Variants in MLLT3 observed in about 807,000 individuals in gnomAD.
MLLT3 encodes the protein protein AF-9.
Under a neutral mutation model 53.2 loss-of-function variants are expected in MLLT3, and 4 were observed. That is an observed-to-expected ratio of 0.08 (90% confidence interval 0.04 to 0.17). The LOEUF is 0.17. Among genes scored for constraint, MLLT3 ranks in the 10% least tolerant of loss-of-function variants. The pLI, the probability that MLLT3 is intolerant of heterozygous loss-of-function variation, is 1.00. For synonymous variants in MLLT3, 283 were observed against 230.6 expected (o/e 1.23, Z -2.06); for missense variants, 569 against 684.0 (o/e 0.83, Z 1.87).
intron 2 of MLLT3, among the ~76,000 whole-genome samples, chr9:20,613,144 G>A (rs890907372): frequency 1.3e-4 from 20 of 152,150 alleles, no homozygotes; most frequent in African/African-American, 4.8e-4. Flanking sequence ...TTCAGAAACA[G>A]AATTGAGTGG....
At chr9:20,450,470 T>TTTG (rs1823810911) in intron 3 of MLLT3, among the ~76,000 whole-genome samples, 1 of 152,212 alleles carries the variant, frequency 6.6e-6, no homozygotes, top group African/African-American at 2.4e-5. Context: ...TGCAGTCTCT[T>TTTG]ACTACCTTTC....
chr9:20,484,158 T>C (rs1563780742), intron 2 of MLLT3, among the ~76,000 whole-genome samples: 1 of 152,132 alleles, frequency 6.6e-6, no homozygotes, highest in African/African-American at 2.4e-5. Flanking sequence ...TAATAAGAGA[T>C]TTGGCTAAAG....
chr9:20,532,739 TGCA>T, intron 2 of MLLT3: 1 of 266,706 alleles, frequency 3.7e-6, no homozygotes. Flanking sequence ...TATATCAGGT[TGCA>T]GCAGCAGAGC....
chr9:20,547,005 C>G (rs1818805622), intron 2 of MLLT3, among the ~76,000 whole-genome samples: 1 of 152,176 alleles, frequency 6.6e-6, no homozygotes, highest in South Asian at 2.1e-4. Flanking sequence ...CCAGAAACAC[C>G]CCATGTCTTG....
chr9:20,540,514 C>G (rs574554242), intron 2 of MLLT3, among the ~76,000 whole-genome samples: 31 of 152,358 alleles, frequency 2.0e-4, no homozygotes, highest in African/African-American at 7.5e-4. Context: ...GGCTTGAACC[C>G]TCTGAAGCCA....
intron 2 of MLLT3, among the ~76,000 whole-genome samples, chr9:20,591,134 A>T (rs1190607595): frequency 1.3e-5 from 2 of 152,170 alleles, no homozygotes; most frequent in African/African-American, 4.8e-5. Flanking sequence ...ACCTAGTGGC[A>T]TTCTGAATTT....
At chr9:20,381,370 C>T (rs539838573) in intron 5 of MLLT3, among the ~76,000 whole-genome samples, 137 of 151,978 alleles carry the variant, frequency 9.0e-4, no homozygotes, top group South Asian at 1.5e-3. Flanking sequence ...AGAATGTGCA[C>T]GCTTTCCGAT....
At chr9:20,444,419 C>A (rs1364616826) in intron 4 of MLLT3, among the ~76,000 whole-genome samples, 2 of 152,106 alleles carry the variant, frequency 1.3e-5, no homozygotes, top group African/African-American at 4.8e-5. Flanking sequence ...CTGCTCTCTT[C>A]CCTCTACCAA....
intron 3 of MLLT3, among the ~76,000 whole-genome samples, chr9:20,454,280 C>T (rs531853850): frequency 1.3e-5 from 2 of 151,814 alleles, no homozygotes; most frequent in African/African-American, 4.8e-5. Context: ...TGTGTGCGTG[C>T]GCGTATGGTA....
chr9:20,369,489 A>T (rs1821539736), intron 5 of MLLT3, among the ~76,000 whole-genome samples: 1 of 152,236 alleles, frequency 6.6e-6, no homozygotes, highest in Non-Finnish European at 1.5e-5. Context: ...CCACTTAATG[A>T]AAACATTTAT....
chr9:20,372,220 C>G (rs545109833), intron 5 of MLLT3, among the ~76,000 whole-genome samples: 1 of 152,062 alleles, frequency 6.6e-6, no homozygotes, highest in African/African-American at 2.4e-5. Context: ...ATTGTTGAAA[C>G]GACAATAAAG....
rs1030962793 is a variant in MLLT3 at position 20,345,903 on chromosome 9, C to A, written c.*540G>T. ...TGGAAAAAGTTGGTGGAAAGTGGCA[C>A]GGTATACGAGTAAGGTCACTGGGCT... On this transcript the variant is annotated 3_prime_UTR_variant, in exon 11 of 11. Coordinates refer to ENST00000380338, the MANE Select transcript of MLLT3 (RefSeq NM_004529.4). 8.7e-6 allele frequency: 2 copies of A among 230,618 alleles called. No individual in the cohort carries two copies. Among genetic ancestry groups the A allele is most frequent in the East Asian group, 6.2e-5 (1 of 16,244 alleles). The allele number at this position is 230,618 out of a possible 1,614,324, so 14.3% of individuals were successfully genotyped here. A position where few individuals can be genotyped will look rare whatever the true frequency, so the allele number is the denominator to read the frequency against.
chr9:20,571,492 C>G (rs959555863), intron 2 of MLLT3, among the ~76,000 whole-genome samples: 1 of 152,146 alleles, frequency 6.6e-6, no homozygotes, highest in African/African-American at 2.4e-5. Flanking sequence ...GCAGAACATG[C>G]AGGTTTGTTA....
chr9:20,359,040 G>A (rs189977790), intron 8 of MLLT3, among the ~76,000 whole-genome samples: 23 of 151,496 alleles, frequency 1.5e-4, no homozygotes, highest in African/African-American at 5.1e-4. Flanking sequence ...AGCTACTCGC[G>A]GGGCTGAGGC....
At chr9:20,537,163 A>G (rs1328248086) in intron 2 of MLLT3, among the ~76,000 whole-genome samples, 2 of 152,214 alleles carry the variant, frequency 1.3e-5, no homozygotes, top group African/African-American at 4.8e-5. Flanking sequence ...AGATATTTAA[A>G]ATATTATACA....
intron 2 of MLLT3, among the ~76,000 whole-genome samples, chr9:20,470,714 C>T (rs573056705): frequency 1.3e-5 from 2 of 151,784 alleles, no homozygotes; most frequent in Non-Finnish European, 2.9e-5. Flanking sequence ...TAGCTTCTAC[C>T]CTAAACCAAA....
chr9:20,592,377 G>A lies in MLLT3; in HGVS notation c.193+28277C>T, dbSNP rs151006678. Among the ~76,000 whole-genome samples, 72 of 152,316 alleles carry A rather than the reference G, an allele frequency of 4.7e-4. 1 individual carries two copies. In the East Asian group the frequency reaches 0.012, roughly 25 times the overall value. On this transcript the variant is annotated intron_variant, in intron 2 of 10. Coordinates refer to ENST00000380338, the MANE Select transcript of MLLT3 (RefSeq NM_004529.4). Reference sequence around the variant, plus strand: ...GCTCTGGAGGCTCTAAGTCCAAGATGAAGATATCAGCAGGGCTGATTTCTT... The same window carrying A: ...GCTCTGGAGGCTCTAAGTCCAAGATAAAGATATCAGCAGGGCTGATTTCTT...
At chr9:20,478,753 G>GT (rs1563777974) in intron 2 of MLLT3, among the ~76,000 whole-genome samples, 1 of 152,132 alleles carries the variant, frequency 6.6e-6, no homozygotes, top group South Asian at 2.1e-4. Context: ...CTTTCCTCGT[G>GT]TTTAACAAGG....
At chr9:20,565,968 TTA>T (rs373749428) in intron 2 of MLLT3, among the ~76,000 whole-genome samples, 3,197 of 32,634 alleles carry the variant, frequency 0.098, 63 homozygotes, top group South Asian at 0.13. Context: ...ATATATATAT[TTA>T]TATATATATA....
Sources: gnomAD v4.1 joint callset for allele counts (sites outside exome capture counted in the v4.1 genomes callset) on GRCh38, gnomAD v4.1.1 for gene constraint, MANE v1.5 for transcripts, NCBI Gene and HGNC (gene_info 2026-07-23, HGNC 2026-07-21) for gene names.